Variants in ENPP4 observed in about 807,000 individuals in gnomAD.
ENPP4 encodes ectonucleotide pyrophosphatase/phosphodiesterase 4.
Under a neutral mutation model 33.4 loss-of-function variants are expected in ENPP4, and 18 were observed. That is an observed-to-expected ratio of 0.54 (90% CI 0.37 to 0.80). The LOEUF (loss-of-function observed/expected upper bound fraction) is 0.80, where lower values mean the gene tolerates loss of function less well. ENPP4 is among the 30% of genes least tolerant of loss of function. ENPP4 has a pLI of 0.00. For missense variants in ENPP4, 480 were observed against 541.7 expected, an observed-to-expected ratio of 0.89 and a Z score of 1.13; for synonymous variants, 172 against 189.9, an observed-to-expected ratio of 0.91 and a Z score of 0.78.
chr6:46,140,143 A>C lies in ENPP4; in HGVS notation c.560A>C (p.Glu187Ala). The change falls in exon 2 of 4, where the codon GAA (glutamate) becomes GCA (alanine). Residue 187 changes from glutamate (E) to alanine (A), a missense_variant. Physicochemically the swap from Glu to Ala is moderately radical, Grantham distance 107. Coordinates refer to ENST00000321037, the MANE Select transcript of ENPP4 (RefSeq NM_014936.5). The part of the protein sequence containing the change: ...PVTFATLYWE[E>A]PDASGHKYGP... ...ACCTTTGCAACACTATATTGGGAAG[A>C]ACCAGATGCAAGTGGCCACAAATAC... 6.2e-7 allele frequency: 1 copy of C among 1,612,712 alleles called. No homozygotes were observed. Among genetic ancestry groups the C allele is most frequent in the Non-Finnish European group, 8.5e-7 (1 of 1,179,082 alleles).
intron 1 of ENPP4, among the ~76,000 whole-genome samples, chr6:46,138,706 C>G (rs1280144251): frequency 1.3e-5 from 2 of 151,748 alleles, no homozygotes; most frequent in Non-Finnish European, 2.9e-5. Flanking sequence ...GTCCTATTTT[C>G]TTAGAGACCA....
At position 46,145,902 on chromosome 6, in the gene ENPP4, A is replaced by G. The variant is rs1214005346; in HGVS notation, c.*2262A>G. Reference sequence around the variant, plus strand: ...TTGAACTATGTGTTAATTCATTTGTATCTTTTAAAAAATTATCACTGTTAA... The same window carrying G: ...TTGAACTATGTGTTAATTCATTTGTGTCTTTTAAAAAATTATCACTGTTAA... On this transcript the variant is annotated 3_prime_UTR_variant, in exon 4 of 4. Transcript: ENST00000321037. 1 of 151,918 alleles carries G rather than the reference A, an allele frequency of 6.6e-6. No individual in the cohort carries two copies. The highest frequency in any genetic ancestry group is 1.5e-5 in the Non-Finnish European group (1 of 67,878). 9.4% of individuals were successfully genotyped at this position (151,918 alleles called of 1,614,324 possible). A position where few individuals can be genotyped will look rare whatever the true frequency, so the allele number is the denominator to read the frequency against.
At chr6:46,133,541 G>C (rs1432920236) in intron 1 of ENPP4, among the ~76,000 whole-genome samples, 5 of 152,114 alleles carry the variant, frequency 3.3e-5, no homozygotes, top group Non-Finnish European at 5.9e-5. Context: ...TTCCATCCAG[G>C]GAAGAACGTC....
In ENPP4 at chr6:46,139,596, G is replaced by A; in HGVS notation, c.13G>A (p.Val5Ile). The A allele has an allele frequency of 6.4e-7, 1 of 1,572,012 alleles. No homozygotes were observed. The highest frequency in any genetic ancestry group is 8.7e-7 in the Non-Finnish European group (1 of 1,143,574). The change falls in exon 2 of 4, where the codon GTA becomes ATA. Residue 5 changes from valine (V) to isoleucine (I), a missense_variant. By Grantham distance (29) the Val-to-Ile change is conservative. Around this residue, in one of 3 missense-constraint regions of ENPP4, gnomAD observed 227 missense variants for 273.7 expected, o/e 0.83. Transcript: ENST00000321037. The stretch of plus-strand genomic sequence containing the variant: ...CAACGTGTTCATTATGAAGTTATTA[G>A]TAATACTTTTGTTTTCTGGACTTAT... MKLL[V>I]ILLFSGLITG...
At position 46,143,842 on chromosome 6, in the gene ENPP4, T is replaced by G. The variant is rs1764106005; in HGVS notation, c.*202T>G. ...GATAACGCTGACCATAGTAAAATTG[T>G]TAGTAAATCATTAGGTAACATCTTG... On this transcript the variant is annotated 3_prime_UTR_variant, in exon 4 of 4. Transcript: ENST00000321037. 4.0e-6 allele frequency: 2 copies of G among 499,672 alleles called. No homozygotes were observed. The highest frequency in any genetic ancestry group is 7.0e-6 in the Non-Finnish European group (2 of 287,082). 31.0% of individuals were successfully genotyped at this position (499,672 alleles called of 1,614,324 possible).
At chr6:46,141,837 G>A (rs977435714) in intron 3 of ENPP4, among the ~76,000 whole-genome samples, 3 of 151,386 alleles carry the variant, frequency 2.0e-5, no homozygotes, top group Admixed American at 2.0e-4. Flanking sequence ...ATCTAATTTT[G>A]TGGTCTATGG....
At chr6:46,132,515 T>C (rs920337952) in intron 1 of ENPP4, among the ~76,000 whole-genome samples, 5 of 152,196 alleles carry the variant, frequency 3.3e-5, no homozygotes, top group Non-Finnish European at 5.9e-5. Context: ...TTGATCTATA[T>C]CTCTGTTTTG....
chr6:46,134,347 C>T (rs1763946358), intron 1 of ENPP4, among the ~76,000 whole-genome samples: 1 of 152,120 alleles, frequency 6.6e-6, no homozygotes, highest in African/African-American at 2.4e-5. Context: ...TCCACTTTGT[C>T]TGTACTACTT....
intron 1 of ENPP4, among the ~76,000 whole-genome samples, chr6:46,137,948 A>G (rs892691234): frequency 6.6e-6 from 1 of 151,672 alleles, no homozygotes; most frequent in African/African-American, 2.4e-5. Context: ...GAAAGAGAGA[A>G]AGTGTTTCCA....
At chr6:46,142,457 TA>T (rs1764081234) in intron 3 of ENPP4, among the ~76,000 whole-genome samples, 1 of 134,980 alleles carries the variant, frequency 7.4e-6, no homozygotes, top group African/African-American at 2.6e-5. Context: ...TATTATATAT[TA>T]TATATAGAAA....
chr6:46,134,515 G>C (rs1403363666), intron 1 of ENPP4, among the ~76,000 whole-genome samples: 1 of 152,078 alleles, frequency 6.6e-6, no homozygotes, highest in Non-Finnish European at 1.5e-5. Context: ...GACGGACACA[G>C]GTTTTTGGTC....
At position 46,145,000 on chromosome 6, in the gene ENPP4, G is replaced by A. The variant is rs1184276964; in HGVS notation, c.*1360G>A. Reference sequence around the variant, plus strand: ...ATCAAAATTAATATGAAGAAACTAGGTTGTGACAGACTAGATTATATTTAG... The same window carrying A: ...ATCAAAATTAATATGAAGAAACTAGATTGTGACAGACTAGATTATATTTAG... On this transcript the variant is annotated 3_prime_UTR_variant, in exon 4 of 4. Transcript: ENST00000321037. 1.5e-5 allele frequency: 6 copies of A among 395,852 alleles called. No individual in the cohort carries two copies. The East Asian group carries it at 2.1e-4, about 14-fold the overall frequency. The allele number at this position is 395,852 out of a possible 1,614,324, so 24.5% of individuals were successfully genotyped here.
chr6:46,133,434 C>T (rs949971283), intron 1 of ENPP4, among the ~76,000 whole-genome samples: 1 of 152,048 alleles, frequency 6.6e-6, no homozygotes, highest in African/African-American at 2.4e-5. Flanking sequence ...GAGCAGATGG[C>T]GTGCTAATAG....
At chr6:46,142,444 ATATAT>A (rs1490941227) in intron 3 of ENPP4, among the ~76,000 whole-genome samples, 7 of 115,604 alleles carry the variant, frequency 6.1e-5, no homozygotes, top group Non-Finnish European at 1.2e-4. Flanking sequence ...TATATGTAGA[ATATAT>A]TATATATTAT....
At position 46,139,872 on chromosome 6, in the gene ENPP4, G is replaced by C; in HGVS notation, c.289G>C (p.Val97Leu). Residue 97 changes from valine to leucine, a missense_variant, in exon 2 of 4, where the codon GTC becomes CTC. Coordinates refer to ENST00000321037, the MANE Select transcript of ENPP4 (RefSeq NM_014936.5). The part of the protein sequence containing the change: ...GIVANSMYDA[V>L]TKKHFSDSND... ...TGTGGCTAATTCCATGTATGATGCA[G>C]TCACAAAGAAACACTTTTCTGACTC... is the stretch of plus-strand genomic sequence containing the variant. The C allele has an allele frequency of 6.2e-7, 1 of 1,612,752 alleles. No individual in the cohort carries two copies. The highest frequency in any genetic ancestry group is 8.5e-7 in the Non-Finnish European group (1 of 1,179,120).
chr6:46,140,083 T>C lies in ENPP4; in HGVS notation c.500T>C (p.Ile167Thr). 1 of 1,612,652 alleles carries C rather than the reference T, an allele frequency of 6.2e-7. No homozygotes were observed. Among genetic ancestry groups the C allele is most frequent in the Non-Finnish European group, 8.5e-7 (1 of 1,179,088 alleles). The change falls in exon 2 of 4, where the codon ATT becomes ACT. Residue 167 changes from isoleucine (I) to threonine (T), a missense_variant. Ile to Thr is a moderately conservative substitution (Grantham distance 89). Transcript: ENST00000321037. ...TCATTTGAGGAAAGACTAAATAATATTACTATGTGGCTAAACAATTCGAAC... is the reference window on the plus strand; with the variant it reads ...TCATTTGAGGAAAGACTAAATAATACTACTATGTGGCTAAACAATTCGAAC... ...SVSFEERLNNITMWLNNSNPP... is the reference protein window; with the variant it reads ...SVSFEERLNNTTMWLNNSNPP...
At chr6:46,132,836 G>A (rs1763921285) in intron 1 of ENPP4, among the ~76,000 whole-genome samples, 1 of 151,888 alleles carries the variant, frequency 6.6e-6, no homozygotes, top group Non-Finnish European at 1.5e-5. Context: ...TCCTTGAGCA[G>A]TGGTTTGTAG....
chr6:46,145,411 T>G lies in ENPP4; in HGVS notation c.*1771T>G, dbSNP rs192760038. 2.0e-5 allele frequency: 3 copies of G among 152,652 alleles called. No individual in the cohort carries two copies. Among genetic ancestry groups the G allele is most frequent in the African/African-American group, 7.2e-5 (3 of 41,562 alleles). 9.5% of individuals were successfully genotyped at this position (152,652 alleles called of 1,614,324 possible). On this transcript the variant is annotated 3_prime_UTR_variant, in exon 4 of 4. Transcript: ENST00000321037. ...GTACTAATTTTGCTTTAAAAAAATT[T>G]CTAATTTTTTTCACATAAAACAATT...
At chr6:46,130,995 T>C (rs901243078) in intron 1 of ENPP4, among the ~76,000 whole-genome samples, 1 of 152,232 alleles carries the variant, frequency 6.6e-6, no homozygotes, top group Non-Finnish European at 1.5e-5. Context: ...TATGAGCTTC[T>C]ATTTCTTCTT....
Sources: gnomAD v4.1 joint callset for allele counts (sites outside exome capture counted in the v4.1 genomes callset) on GRCh38, gnomAD v4.1.1 for gene constraint, gnomAD v4.1.1 regional missense constraint, MANE v1.5 for transcripts, NCBI Gene and HGNC (gene_info 2026-07-23, HGNC 2026-07-21) for gene names.